Variants in RPH3A observed in about 807,000 individuals in gnomAD.
RPH3A encodes the protein rabphilin 3A, also known as rabphilin-3A.
RPH3A carries 48 observed loss-of-function variants against 102.2 expected under a neutral mutation model. The observed-to-expected ratio is 0.47, with a 90% CI of 0.37 to 0.60. The LOEUF is 0.60. RPH3A is among the 20% of genes least tolerant of loss of function. The pLI is 0.00. For synonymous variants in RPH3A, 310 were observed against 324.3 expected, an observed-to-expected ratio of 0.96 and a Z score of 0.47; for missense variants, 781 against 910.1, an observed-to-expected ratio of 0.86 and a Z score of 1.83.
At chr12:112,792,684 T>C (rs760075201) in intron 2 of RPH3A, among the ~76,000 whole-genome samples, 7 of 152,192 alleles carry the variant, frequency 4.6e-5, no homozygotes, top group Non-Finnish European at 1.0e-4. Context: ...GGGGGTCACC[T>C]GAGACTGGAA....
At chr12:112,600,619 T>G (rs142822739) in intron 1 of RPH3A, among the ~76,000 whole-genome samples, 59 of 152,376 alleles carry the variant, frequency 3.9e-4, no homozygotes, top group Middle Eastern at 3.4e-3. Context: ...ACTATCAGCA[T>G]TTTGGTCAAA....
intron 4 of RPH3A, chr12:112,841,956 T>C (rs1171832573): frequency 2.2e-6 from 1 of 456,060 alleles, no homozygotes; most frequent in Non-Finnish European, 4.4e-6. Flanking sequence ...TCAACTAGGT[T>C]CATGTTTGTG....
chr12:112,826,623 C>T (rs2041878774), intron 2 of RPH3A, among the ~76,000 whole-genome samples: 1 of 152,200 alleles, frequency 6.6e-6, no homozygotes, highest in Non-Finnish European at 1.5e-5. Flanking sequence ...TTATTTGCCC[C>T]AATTTCTGTC....
intron 1 of RPH3A, among the ~76,000 whole-genome samples, chr12:112,589,720 C>G (rs2039463514): frequency 6.6e-6 from 1 of 152,194 alleles, no homozygotes; most frequent in Non-Finnish European, 1.5e-5. Flanking sequence ...ACCATTTGCT[C>G]CATGAGGGCA....
chr12:112,663,873 T>G (rs1394487921), intron 1 of RPH3A, among the ~76,000 whole-genome samples: 1 of 152,152 alleles, frequency 6.6e-6, no homozygotes, highest in Non-Finnish European at 1.5e-5. Flanking sequence ...GTAGTCTTCC[T>G]CACTAGTTTT....
intron 4 of RPH3A, among the ~76,000 whole-genome samples, chr12:112,839,178 GAGTGGAGCTGGATAAAGACCTTT>G (rs2042103065): frequency 6.6e-6 from 1 of 152,166 alleles, no homozygotes; most frequent in African/African-American, 2.4e-5. Flanking sequence ...AGGCAGATAA[GAGTGGAGCTGGATAAAGACCTTT>G]AGTGGCTGAA....
intron 2 of RPH3A, among the ~76,000 whole-genome samples, chr12:112,799,649 G>A (rs2041302063): frequency 6.6e-6 from 1 of 152,128 alleles, no homozygotes; most frequent in Non-Finnish European, 1.5e-5. Context: ...TCAGAGCTCA[G>A]AGGTCAGTCA....
In RPH3A at chr12:112,818,193, G is replaced by A. The variant is rs528071332; in HGVS notation, c.-18-10108G>A. Among the ~76,000 whole-genome samples, 65 of 151,864 alleles carry A rather than the reference G, an allele frequency of 4.3e-4. No homozygotes were observed. The South Asian group carries it at 0.012, about 28-fold the overall frequency. On this transcript the variant is annotated intron_variant, in intron 2 of 21. Coordinates refer to ENST00000389385, the MANE Select transcript of RPH3A (RefSeq NM_001143854.2). The stretch of plus-strand genomic sequence containing the variant: ...TGAGCGCCTGTAGTCCCAGCTACTC[G>A]GGGGGCTGAGGCAGGAGAATGGCGA...
intron 1 of RPH3A, among the ~76,000 whole-genome samples, chr12:112,712,904 C>CTCTTTTTCTTCTTCT (rs2040475269): frequency 3.2e-5 from 3 of 92,542 alleles, no homozygotes; most frequent in African/African-American, 1.7e-4. Context: ...CTTCTTCTTC[C>CTCTTTTTCTTCTTCT]TCTTCTTCTT....
At chr12:112,872,165 G>A (rs920466142) in intron 10 of RPH3A, among the ~76,000 whole-genome samples, 1 of 152,130 alleles carries the variant, frequency 6.6e-6, no homozygotes, top group African/African-American at 2.4e-5. Context: ...CACCAACAAT[G>A]CAAAAGGGTT....
Position 112,791,813 on chromosome 12 carries a change from G to A in RPH3A, c.-339G>A, listed in dbSNP as rs1207749745. 5.4e-5 allele frequency: 8 copies of A among 147,636 alleles called. No individual in the cohort carries two copies. 9.1% of individuals were successfully genotyped at this position (147,636 alleles called of 1,614,324 possible). The stretch of plus-strand genomic sequence containing the variant: ...CTGGCTCTGGGGAAGCAATTGATTC[G>A]TCTACTGCCAGCAGCCCGGAGTTGC... On this transcript the variant is annotated 5_prime_UTR_variant, in exon 1 of 22. Coordinates refer to ENST00000389385, the MANE Select transcript of RPH3A (RefSeq NM_001143854.2).
intron 1 of RPH3A, among the ~76,000 whole-genome samples, chr12:112,683,875 A>G (rs1159243839): frequency 1.3e-5 from 2 of 152,190 alleles, no homozygotes; most frequent in African/African-American, 2.4e-5. Context: ...GGGGCAGGAC[A>G]TTGACAGTGT....
intron 1 of RPH3A, among the ~76,000 whole-genome samples, chr12:112,646,733 T>C (rs2039934087): frequency 6.6e-6 from 1 of 152,212 alleles, no homozygotes; most frequent in Non-Finnish European, 1.5e-5. Flanking sequence ...TAATTCCACT[T>C]TTCAATACTC....
At chr12:112,742,856 G>C (rs1037250545) in intron 1 of RPH3A, among the ~76,000 whole-genome samples, 1 of 152,116 alleles carries the variant, frequency 6.6e-6, no homozygotes, top group Admixed American at 6.5e-5. Context: ...TCCAGAATGG[G>C]CCTCAAAGGG....
intron 18 of RPH3A, among the ~76,000 whole-genome samples, chr12:112,890,335 T>C (rs141773113): frequency 6.6e-6 from 1 of 152,358 alleles, no homozygotes; most frequent in Non-Finnish European, 1.5e-5. Context: ...AGAAGCTTTG[T>C]TGACAATTCT....
chr12:112,693,089 A>G (rs1416241548), intron 1 of RPH3A, among the ~76,000 whole-genome samples: 1 of 152,230 alleles, frequency 6.6e-6, no homozygotes, highest in Admixed American at 6.5e-5. Context: ...TTCAGAAAAA[A>G]TAGAGCAGCT....
intron 17 of RPH3A, among the ~76,000 whole-genome samples, chr12:112,889,514 G>A (rs898617010): frequency 6.6e-6 from 1 of 152,194 alleles, no homozygotes; most frequent in Admixed American, 6.5e-5. Flanking sequence ...CCTCCCCTCT[G>A]GACCTCAGGT....
chr12:112,832,061 A>G (rs567844485), intron 3 of RPH3A, among the ~76,000 whole-genome samples: 127 of 151,992 alleles, frequency 8.4e-4, no homozygotes, highest in Non-Finnish European at 1.4e-3. Context: ...TATTTTCCCT[A>G]TCTGGAATCT....
chr12:112,798,636 A>T (rs1373976822), intron 2 of RPH3A, among the ~76,000 whole-genome samples: 1 of 152,018 alleles, frequency 6.6e-6, no homozygotes, highest in African/African-American at 2.4e-5. Context: ...GCTCCATTGC[A>T]CATCTTCCTC....
Sources: allele counts gnomAD v4.1 joint callset (sites outside exome capture counted in the v4.1 genomes callset), GRCh38; gene constraint gnomAD v4.1.1; transcripts MANE v1.5; gene names NCBI Gene and HGNC (gene_info 2026-07-23, HGNC 2026-07-21).